Variants in MYO16 observed in about 807,000 individuals in gnomAD.
MYO16 encodes myosin XVI.
MYO16 carries 94 observed loss-of-function variants against 205.3 expected under a neutral mutation model. The ratio of observed to expected loss-of-function variants is 0.46; its 90% CI spans 0.39 to 0.54. MYO16 has a LOEUF of 0.54. Among genes scored for constraint, MYO16 ranks in the 20% least tolerant of loss-of-function variants. The pLI, the probability that MYO16 is intolerant of heterozygous loss-of-function variation, is 0.00. For missense variants in MYO16, 2,315 were observed against 2,387.5 expected (o/e 0.97, Z 0.63); for synonymous variants, 988 against 954.0 (o/e 1.04, Z -0.66).
chr13:109,193,681 C>T (rs1338465946), intron 34 of MYO16, among the ~76,000 whole-genome samples: 1 of 152,056 alleles, frequency 6.6e-6, no homozygotes, highest in East Asian at 1.9e-4. Context: ...CTACTTGAGT[C>T]CTCTCTCCTC....
intron 1 of MYO16, among the ~76,000 whole-genome samples, chr13:108,618,238 C>T (rs1879417781): frequency 2.6e-5 from 4 of 152,130 alleles, no homozygotes; most frequent in Admixed American, 2.0e-4. Flanking sequence ...CAAGAGTGGT[C>T]TTCATTTTTC....
At chr13:108,838,690 T>C (rs201697339) in intron 9 of MYO16, among the ~76,000 whole-genome samples, 14 of 135,960 alleles carry the variant, frequency 1.0e-4, no homozygotes, top group African/African-American at 3.1e-4. Context: ...TATATATATA[T>C]ACACACACAC....
chr13:108,916,073 A>G (rs1434875716), intron 16 of MYO16, among the ~76,000 whole-genome samples: 2 of 151,968 alleles, frequency 1.3e-5, no homozygotes, highest in East Asian at 3.8e-4. Context: ...GTGAGTCTTC[A>G]TAATTATGTG....
chr13:108,511,356 G>A, the MYO16 span, among the ~76,000 whole-genome samples: 1 of 56,248 alleles, frequency 1.8e-5, no homozygotes, highest in African/African-American at 7.9e-5. Flanking sequence ...TGAGTTCATT[G>A]TAGATTCTGG....
intron 1 of MYO16, among the ~76,000 whole-genome samples, chr13:108,623,629 T>C (rs947299106): frequency 1.3e-5 from 2 of 152,196 alleles, no homozygotes; most frequent in African/African-American, 4.8e-5. Context: ...ACTTAAGTGT[T>C]CAATAATCCT....
chr13:108,532,012 G>A, the MYO16 span, among the ~76,000 whole-genome samples: 6 of 152,052 alleles, frequency 3.9e-5, no homozygotes, highest in Admixed American at 2.6e-4. Context: ...TTCGAGACCA[G>A]CCTGGTCAAC....
intron 12 of MYO16, among the ~76,000 whole-genome samples, chr13:108,866,874 T>C (rs1878746032): frequency 1.3e-5 from 2 of 152,084 alleles, no homozygotes; most frequent in South Asian, 2.1e-4. Flanking sequence ...AGTGGGTATA[T>C]GTTCCTGAAG....
At position 108,683,331 on chromosome 13, in the gene MYO16, G is replaced by C. The variant is rs1180688151; in HGVS notation, c.292+17182G>C. ...GGCTTGTGACAGGCTCACAGGAGAA[G>C]CTTCCCTTTCCTTCCTTCCTCCTGT... On this transcript the variant is annotated intron_variant, in intron 2 of 34. Coordinates refer to ENST00000457511, the MANE Select transcript of MYO16 (RefSeq NM_001198950.3). Among the ~76,000 whole-genome samples, 3 of 144,114 alleles carry C rather than the reference G, an allele frequency of 2.1e-5. No individual in the cohort carries two copies. In the South Asian group the frequency reaches 7.4e-4, roughly 36 times the overall value. 94.5% of individuals were successfully genotyped at this position (144,114 alleles called of 152,430 possible).
At chr13:108,629,922 A>G (rs1261334747) in intron 1 of MYO16, 50 bp downstream of exon 1, 2 of 1,491,942 alleles carry the variant, frequency 1.3e-6, no homozygotes, top group Admixed American at 2.0e-5. Context: ...TTGTTGAAGT[A>G]TTATTTTGTG....
At chr13:108,699,996 T>C (rs1258543138) in intron 2 of MYO16, among the ~76,000 whole-genome samples, 2 of 152,014 alleles carry the variant, frequency 1.3e-5, no homozygotes, top group Admixed American at 1.3e-4. Context: ...CTATCAACTT[T>C]TTCAGGACTT....
At chr13:108,852,913 G>A (rs1274012015) in intron 10 of MYO16, among the ~76,000 whole-genome samples, 1 of 152,212 alleles carries the variant, frequency 6.6e-6, no homozygotes, top group Non-Finnish European at 1.5e-5. Context: ...ATTGGAAGAT[G>A]TACAACTGGG....
At chr13:108,509,324 G>A in the MYO16 span, among the ~76,000 whole-genome samples, 4 of 152,170 alleles carry the variant, frequency 2.6e-5, no homozygotes, top group East Asian at 7.7e-4. Flanking sequence ...CTAGAGAAAG[G>A]GTTTTTGGTT....
intron 11 of MYO16, among the ~76,000 whole-genome samples, chr13:108,863,663 T>C (rs1379661959): frequency 1.3e-5 from 2 of 152,120 alleles, no homozygotes; most frequent in South Asian, 4.1e-4. Flanking sequence ...TATTGCAATA[T>C]TCCTATTAGA....
At chr13:108,608,158 C>A (rs1879031006) in intron 1 of MYO16, among the ~76,000 whole-genome samples, 1 of 152,162 alleles carries the variant, frequency 6.6e-6, no homozygotes, top group Non-Finnish European at 1.5e-5. Flanking sequence ...GTTTTGGAAG[C>A]TTCACATGAT....
At chr13:108,936,064 C>G (rs1276246262) in intron 16 of MYO16, among the ~76,000 whole-genome samples, 2 of 151,242 alleles carry the variant, frequency 1.3e-5, no homozygotes, top group African/African-American at 4.9e-5. Context: ...TGTCTATGTT[C>G]ATCAGGGATA....
chr13:108,781,956 C>T (rs1346354087), intron 4 of MYO16, among the ~76,000 whole-genome samples: 1 of 152,178 alleles, frequency 6.6e-6, no homozygotes, highest in Non-Finnish European at 1.5e-5. Flanking sequence ...TCCAATTAAA[C>T]CTCCTTTTGT....
At chr13:108,809,707 G>A (rs996842641) in intron 7 of MYO16, among the ~76,000 whole-genome samples, 4 of 152,176 alleles carry the variant, frequency 2.6e-5, no homozygotes, top group Non-Finnish European at 5.9e-5. Flanking sequence ...CAACACTGGG[G>A]CTTGCAATTC....
intron 3 of MYO16, among the ~76,000 whole-genome samples, chr13:108,723,280 G>A (rs1325185016): frequency 6.6e-6 from 1 of 151,890 alleles, no homozygotes. Flanking sequence ...GGTGTTTTGT[G>A]AATATTTTGT....
intron 2 of MYO16, among the ~76,000 whole-genome samples, chr13:108,693,840 T>C (rs1882990596): frequency 6.6e-6 from 1 of 152,220 alleles, no homozygotes; most frequent in Non-Finnish European, 1.5e-5. Flanking sequence ...TAGCTGTTTT[T>C]TTGATTCTGT....
Sources: gnomAD v4.1 joint callset for allele counts (sites outside exome capture counted in the v4.1 genomes callset) on GRCh38, gnomAD v4.1.1 for gene constraint, MANE v1.5 for transcripts, NCBI Gene and HGNC (gene_info 2026-07-23, HGNC 2026-07-21) for gene names.